Variants in CLNK observed in about 807,000 individuals in gnomAD.
The protein encoded by CLNK is cytokine dependent hematopoietic cell linker, also known as cytokine-dependent hematopoietic cell linker.
A neutral mutation model predicts 68.6 loss-of-function variants in CLNK; 74 were observed. The observed-to-expected ratio is 1.08, with a 90% CI of 0.89 to 1.31. The LOEUF (loss-of-function observed/expected upper bound fraction) is 1.31. Ranked by LOEUF, CLNK falls within the 50% of genes most tolerant of loss-of-function variation. CLNK has a pLI of 0.00. For missense variants in CLNK, 553 were observed against 515.3 expected (o/e 1.07, Z -0.71); for synonymous variants, 198 against 172.2 (o/e 1.15, Z -1.17).
At chr4:10,542,824 G>GAA (rs548514459) in intron 8 of CLNK, among the ~76,000 whole-genome samples, 1 of 146,420 alleles carries the variant, frequency 6.8e-6, no homozygotes, top group Non-Finnish European at 1.5e-5. Flanking sequence ...TTTTATGGAT[G>GAA]AAAAAAAAAA....
At chr4:10,654,137 G>A (rs1723862598) in intron 2 of CLNK, among the ~76,000 whole-genome samples, 1 of 151,946 alleles carries the variant, frequency 6.6e-6, no homozygotes, top group Admixed American at 6.6e-5. Context: ...AGCAAGGAGA[G>A]TGAAAGAAAG....
intron 2 of CLNK, among the ~76,000 whole-genome samples, chr4:10,604,177 C>T (rs1307995792): frequency 2.0e-5 from 3 of 152,076 alleles, no homozygotes; most frequent in Non-Finnish European, 4.4e-5. Context: ...TCTCTAGGGC[C>T]CAATTCTTAC....
At chr4:10,727,871 G>C in the CLNK span, among the ~76,000 whole-genome samples, 1 of 152,168 alleles carries the variant, frequency 6.6e-6, no homozygotes, top group Admixed American at 6.5e-5. Flanking sequence ...ATATTCCTGG[G>C]CCCCAACCAG....
At chr4:10,644,820 A>G (rs944630918) in intron 2 of CLNK, among the ~76,000 whole-genome samples, 1 of 152,204 alleles carries the variant, frequency 6.6e-6, no homozygotes, top group Non-Finnish European at 1.5e-5. Context: ...GCTGCTTCTC[A>G]ATTCCTGCCC....
the CLNK span, among the ~76,000 whole-genome samples, chr4:10,710,327 T>C: frequency 6.6e-6 from 1 of 151,958 alleles, no homozygotes; most frequent in Non-Finnish European, 1.5e-5. Flanking sequence ...AAAGCAGGAG[T>C]CACACCAACC....
chr4:10,665,160 G>A (rs1309367528), intron 2 of CLNK, among the ~76,000 whole-genome samples: 1 of 152,358 alleles, frequency 6.6e-6, no homozygotes, highest in East Asian at 1.9e-4. Context: ...AATGGTGACG[G>A]TTTGGCTGTC....
chr4:10,699,821 A>G, the CLNK span, among the ~76,000 whole-genome samples: 1 of 151,988 alleles, frequency 6.6e-6, no homozygotes, highest in Admixed American at 6.6e-5. Context: ...GCCACTCCAT[A>G]TATTTTAAAT....
chr4:10,558,352 A>G, intron 8 of CLNK, 55 bp downstream of exon 8: 4 of 1,490,512 alleles, frequency 2.7e-6, no homozygotes, highest in Non-Finnish European at 3.7e-6. Flanking sequence ...GGATCTTAGA[A>G]GCAAAATAGA....
At position 10,489,020 on chromosome 4, in the gene CLNK, T is replaced by A. The variant is rs1716453092; in HGVS notation, c.*1447A>T. The A allele has an allele frequency of 6.6e-6, 1 of 151,730 alleles. No homozygotes were observed. Among genetic ancestry groups the A allele is most frequent in the African/African-American group, 2.4e-5 (1 of 41,310 alleles). 9.4% of individuals were successfully genotyped at this position (151,730 alleles called of 1,614,324 possible). ...CTAGAAGAGTTTATTTATTTTAAGG[T>A]GGTAAATCTGTATTTTCAAATTGTT... On this transcript the variant is annotated 3_prime_UTR_variant, in exon 19 of 19. Coordinates refer to ENST00000226951, the MANE Select transcript of CLNK (RefSeq NM_052964.4).
At chr4:10,552,151 C>G (rs988282761) in intron 8 of CLNK, among the ~76,000 whole-genome samples, 2 of 152,034 alleles carry the variant, frequency 1.3e-5, no homozygotes, top group Non-Finnish European at 2.9e-5. Flanking sequence ...CCACCACGCC[C>G]GGCCGAGAAT....
intron 15 of CLNK, among the ~76,000 whole-genome samples, chr4:10,515,089 T>G (rs907191414): frequency 1.3e-5 from 2 of 151,992 alleles, no homozygotes; most frequent in Admixed American, 1.3e-4. Flanking sequence ...AATACAAAAA[T>G]TATCCGGGCA....
chr4:10,717,455 A>T, the CLNK span, among the ~76,000 whole-genome samples: 1 of 152,150 alleles, frequency 6.6e-6, no homozygotes, highest in Admixed American at 6.5e-5. Flanking sequence ...AATCAGCCGG[A>T]TGTGGTTATG....
intron 8 of CLNK, among the ~76,000 whole-genome samples, chr4:10,554,310 C>T (rs1314720053): frequency 6.6e-6 from 1 of 152,160 alleles, no homozygotes; most frequent in Non-Finnish European, 1.5e-5. Context: ...CCGTACTTTG[C>T]TTATGTAAAA....
chr4:10,648,864 C>A (rs1359980587), intron 2 of CLNK, among the ~76,000 whole-genome samples: 1 of 152,164 alleles, frequency 6.6e-6, no homozygotes, highest in East Asian at 1.9e-4. Flanking sequence ...ATTTCCCTGA[C>A]AATGAGAGGG....
At chr4:10,719,654 T>C in the CLNK span, among the ~76,000 whole-genome samples, 1 of 152,072 alleles carries the variant, frequency 6.6e-6, no homozygotes, top group Non-Finnish European at 1.5e-5. Context: ...CCATAATTGA[T>C]AGAAAAAACC....
At chr4:10,558,759 A>G (rs1203437542) in intron 7 of CLNK, among the ~76,000 whole-genome samples, 1 of 152,146 alleles carries the variant, frequency 6.6e-6, no homozygotes, top group Non-Finnish European at 1.5e-5. Flanking sequence ...CATCTTTATC[A>G]TAGGAAAAAT....
chr4:10,526,353 A>T (rs748762670), intron 13 of CLNK, among the ~76,000 whole-genome samples: 9 of 152,240 alleles, frequency 5.9e-5, no homozygotes, highest in Non-Finnish European at 1.2e-4. Flanking sequence ...AGAAAAAGAC[A>T]GACATGGTTC....
chr4:10,616,073 A>G (rs1470832718), intron 2 of CLNK, among the ~76,000 whole-genome samples: 3 of 152,244 alleles, frequency 2.0e-5, no homozygotes, highest in African/African-American at 7.2e-5. Flanking sequence ...GACTAAAAGC[A>G]AAGATAATGA....
At chr4:10,540,656 G>A (rs1718977386) in intron 10 of CLNK, 52 bp from the exon 11 acceptor site, 1 of 1,279,264 alleles carries the variant, frequency 7.8e-7, no homozygotes, top group African/African-American at 1.5e-5. Context: ...CAGCAGTGAT[G>A]CCTCAGGCCC....
Sources: allele counts gnomAD v4.1 joint callset (sites outside exome capture counted in the v4.1 genomes callset), GRCh38; gene constraint gnomAD v4.1.1; transcripts MANE v1.5; gene names NCBI Gene and HGNC (gene_info 2026-07-23, HGNC 2026-07-21).